PMEPA1: variants seen among roughly 807,000 people sequenced by gnomAD.
The protein encoded by PMEPA1 is protein TMEPAI.
In PMEPA1, 11 loss-of-function variants were observed where a neutral mutation model predicts 23.0. The ratio of observed to expected loss-of-function variants is 0.48; its 90% CI spans 0.30 to 0.79. The LOEUF (loss-of-function observed/expected upper bound fraction) is 0.79, where lower values mean the gene tolerates loss of function less well. PMEPA1 is among the 30% of genes least tolerant of loss of function. The probability of loss-of-function intolerance (pLI) is 0.06; values close to 1 mark genes in which losing one functional copy is unlikely to be tolerated. For synonymous variants in PMEPA1, 204 were observed against 166.4 expected (o/e 1.23, Z -1.74); for missense variants, 377 against 390.9 (o/e 0.96, Z 0.30).
intron 2 of PMEPA1, among the ~76,000 whole-genome samples, chr20:57,653,894 TTTC>T (rs1427061256): frequency 6.6e-6 from 1 of 152,212 alleles, no homozygotes; most frequent in Non-Finnish European, 1.5e-5. Context: ...TATGCATTTA[TTTC>T]TTTACAGTCT....
rs2071328299 is a variant in PMEPA1 at position 57,656,471 on chromosome 20, C to A, written c.264+3072G>T. ...TCCTAGTCTGAGCAGGCCTTGGGCA[C>A]AAAGACTGGGATTGCCTTTCTGGGT... On this transcript the variant is annotated intron_variant, in intron 2 of 3. Transcript: ENST00000341744. The surrounding 1 kb of genome is among the most constrained non-coding windows in gnomAD (Gnocchi z 4.7). Among the ~76,000 whole-genome samples the A allele has an allele frequency of 6.6e-6, 1 of 152,052 alleles. No homozygotes were observed. Among genetic ancestry groups the A allele is most frequent in the Admixed American group, 6.5e-5 (1 of 15,286 alleles).
chr20:57,658,443 CT>C (rs1389368248), intron 2 of PMEPA1, among the ~76,000 whole-genome samples: 23 of 152,234 alleles, frequency 1.5e-4, no homozygotes, highest in African/African-American at 4.3e-4. Flanking sequence ...GCAGCACCCC[CT>C]GGGACTGGCT....
intron 1 of PMEPA1, among the ~76,000 whole-genome samples, chr20:57,679,959 C>A (rs1011417142): frequency 1.3e-5 from 2 of 152,206 alleles, no homozygotes; most frequent in Non-Finnish European, 2.9e-5. Flanking sequence ...AGAGCCTGCG[C>A]CTTCCAGTTC....
chr20:57,690,320 A>C, intron 1 of PMEPA1: 47 of 699,822 alleles, frequency 6.7e-5, no homozygotes, highest in Non-Finnish European at 9.1e-5. Context: ...ACCCACCCCC[A>C]CCACTGCCAC....
chr20:57,693,146 A>T (rs1223080391), intron 1 of PMEPA1, among the ~76,000 whole-genome samples: 1 of 151,964 alleles, frequency 6.6e-6, no homozygotes, highest in Non-Finnish European at 1.5e-5. Flanking sequence ...AAGCCCGCCT[A>T]CCCCACGCCT....
At chr20:57,681,401 C>T (rs1442493146) in intron 1 of PMEPA1, among the ~76,000 whole-genome samples, 2 of 152,176 alleles carry the variant, frequency 1.3e-5, no homozygotes, top group African/African-American at 4.8e-5. Context: ...AGGGGTTGCC[C>T]CGGAGCCAGT....
rs770375124 is a variant in PMEPA1 at position 57,652,113 on chromosome 20, G to T, written c.804C>A (p.Pro268=). The part of the protein sequence containing the change: ...GTRLHHTHIA[P]LESAAIWSKE... Reference sequence around the variant, plus strand: ...TGCTCCAGATGGCTGCGCTCTCTAGGGGCGCGATGTGTGTGTGGTGGAGCC... The same window carrying T: ...TGCTCCAGATGGCTGCGCTCTCTAGTGGCGCGATGTGTGTGTGGTGGAGCC... The change falls in exon 4 of 4, where the codon CCC becomes CCA. Residue 268 remains proline (P), a synonymous_variant. Transcript: ENST00000341744. This position sits in a 1 kb window ranked among gnomAD's most constrained non-coding sequence, Gnocchi z 6.1. 12 of 1,580,932 alleles carry T rather than the reference G, an allele frequency of 7.6e-6. No homozygotes were observed. The South Asian group carries it at 1.4e-4, about 18-fold the overall frequency.
In PMEPA1 at chr20:57,656,551, C is replaced by T. The variant is rs192428455; in HGVS notation, c.264+2992G>A. The stretch of plus-strand genomic sequence containing the variant: ...GGGCGGTCACTGCAGTGACGTTCTG[C>T]ATCATGTCCCGAATACCCTCGGAGC... On this transcript the variant is annotated intron_variant, in intron 2 of 3. Transcript: ENST00000341744. This position sits in a 1 kb window ranked among gnomAD's most constrained non-coding sequence, Gnocchi z 4.7. Among the ~76,000 whole-genome samples, 424 of 152,288 alleles carry T rather than the reference C, an allele frequency of 2.8e-3. 3 individuals carry two copies. Among genetic ancestry groups the T allele is most frequent in the Non-Finnish European group, 5.1e-3 (345 of 68,036 alleles).
At chr20:57,667,080 G>GATCC (rs1281868244) in intron 1 of PMEPA1, among the ~76,000 whole-genome samples, 2 of 152,224 alleles carry the variant, frequency 1.3e-5, no homozygotes, top group African/African-American at 4.8e-5. Flanking sequence ...TGGGCCTGTG[G>GATCC]AGTGAAGATG....
chr20:57,663,835 C>T (rs140039519), intron 1 of PMEPA1, among the ~76,000 whole-genome samples: 1 of 152,320 alleles, frequency 6.6e-6, no homozygotes, highest in Non-Finnish European at 1.5e-5. Flanking sequence ...ATCAGGAAGG[C>T]AACACCCTGG....
intron 1 of PMEPA1, among the ~76,000 whole-genome samples, chr20:57,663,166 A>G (rs73302941): frequency 0.016 from 2,479 of 152,298 alleles, 58 homozygotes; most frequent in African/African-American, 0.049. Flanking sequence ...CACATGGGAG[A>G]GGAGAGAGAA....
intron 1 of PMEPA1, among the ~76,000 whole-genome samples, chr20:57,689,924 C>A (rs1395466434): frequency 1.3e-5 from 2 of 152,240 alleles, no homozygotes; most frequent in South Asian, 2.1e-4. Context: ...GACGTGGGTC[C>A]CAGGGGCCAG....
At chr20:57,708,888 C>T (rs919037272) in intron 1 of PMEPA1, among the ~76,000 whole-genome samples, 8 of 152,042 alleles carry the variant, frequency 5.3e-5, no homozygotes, top group Non-Finnish European at 8.8e-5. Flanking sequence ...CTCGGTGACA[C>T]GCACTCTTGG....
At chr20:57,662,248 G>A (rs929444360) in intron 1 of PMEPA1, among the ~76,000 whole-genome samples, 1 of 152,234 alleles carries the variant, frequency 6.6e-6, no homozygotes, top group Non-Finnish European at 1.5e-5. Context: ...CGACAGGACT[G>A]TCCCCCATGA....
Position 57,682,243 on chromosome 20 carries a change from A to G in PMEPA1, c.110-22546T>C, listed in dbSNP as rs2071728281. ...TACCTTCGATGGGAGGTGACGGCGT[A>G]GCAAAGGCTCCCAGTGGGAATGAAG... On this transcript the variant is annotated intron_variant, in intron 1 of 3. Coordinates refer to ENST00000341744, the MANE Select transcript of PMEPA1 (RefSeq NM_020182.5). The surrounding 1 kb of genome is among the most constrained non-coding windows in gnomAD (Gnocchi z 4.4). Among the ~76,000 whole-genome samples the G allele has an allele frequency of 6.6e-6, 1 of 152,254 alleles. No individual in the cohort carries two copies.
chr20:57,660,943 GAC>G (rs570452476), intron 1 of PMEPA1, among the ~76,000 whole-genome samples: 7 of 151,990 alleles, frequency 4.6e-5, no homozygotes, highest in African/African-American at 1.7e-4. Context: ...CTTCCCAACA[GAC>G]ACAAACACAC....
At chr20:57,688,357 G>GAGTGGGGTGA (rs57499869) in intron 1 of PMEPA1, among the ~76,000 whole-genome samples, 6 of 151,994 alleles carry the variant, frequency 3.9e-5, no homozygotes, top group African/African-American at 7.3e-5. Flanking sequence ...TTGTGGGGTG[G>GAGTGGGGTGA]GCTGTTCTGG....
At chr20:57,698,005 T>C (rs1011040875) in intron 1 of PMEPA1, among the ~76,000 whole-genome samples, 1 of 152,208 alleles carries the variant, frequency 6.6e-6, no homozygotes, top group Non-Finnish European at 1.5e-5. Context: ...ATTTAAACAT[T>C]TGTTTCATGG....
chr20:57,704,504 C>T lies in PMEPA1; in HGVS notation c.109+4970G>A, dbSNP rs1600677346. Among the ~76,000 whole-genome samples the T allele has an allele frequency of 6.6e-6, 1 of 152,346 alleles. No homozygotes were observed. The highest frequency in any genetic ancestry group is 2.1e-4 in the South Asian group (1 of 4,830). On this transcript the variant is annotated intron_variant, in intron 1 of 3. Coordinates refer to ENST00000341744, the MANE Select transcript of PMEPA1 (RefSeq NM_020182.5). The surrounding 1 kb of genome is among the most constrained non-coding windows in gnomAD (Gnocchi z 4.6). ...TTCAATCTCCTTCTCTCAGCATGTG[C>T]ACCGTACAGAACCCGAGGCTGGCAG...
Sources: allele counts gnomAD v4.1 joint callset (sites outside exome capture counted in the v4.1 genomes callset), GRCh38; gene constraint gnomAD v4.1.1; non-coding constraint Gnocchi (gnomAD v3.1); transcripts MANE v1.5; gene names NCBI Gene and HGNC (gene_info 2026-07-23, HGNC 2026-07-21).